SHOX: variants seen among roughly 807,000 people sequenced by gnomAD.
SHOX encodes SHOX homeobox.
A neutral mutation model predicts 29.6 loss-of-function variants in SHOX; 12 were observed. The ratio of observed to expected loss-of-function variants is 0.41; its 90% confidence interval spans 0.26 to 0.66. The LOEUF (loss-of-function observed/expected upper bound fraction) is 0.66. Among genes scored for constraint, SHOX ranks in the 30% least tolerant of loss-of-function variants. SHOX has a pLI of 0.35. For missense variants in SHOX, 499 were observed against 437.7 expected (o/e 1.14, Z -1.25); for synonymous variants, 214 against 200.6 (o/e 1.07, Z -0.57).
At chrX:627,301 G>C (rs2052555328), upstream of SHOX, among the ~76,000 whole-genome samples, 1 of 152,194 alleles carries the variant, frequency 6.6e-6, no homozygotes, top group Non-Finnish European at 1.5e-5. Flanking sequence ...GGTAGAAAAA[G>C]CTCTCGTCTG....
downstream of SHOX, among the ~76,000 whole-genome samples, chrX:654,021 T>C (rs1379520717): frequency 3.3e-5 from 5 of 152,214 alleles, no homozygotes; most frequent in African/African-American, 4.8e-5. Context: ...CTACACGTTT[T>C]CCCAAAACAG....
rs183405216 is a variant in SHOX at position 636,544 on chromosome X, A to T, written c.486+1718A>T. On this transcript the variant is annotated intron_variant, in intron 2 of 4. Coordinates refer to ENST00000686671, the MANE Select transcript of SHOX (RefSeq NM_000451.4). ...ATATATAAACATATATATACATATA[A>T]AAATATATATAAACATATATACATA... 8.8e-3 allele frequency among the ~76,000 whole-genome samples: 134 copies of T among 15,196 alleles called. 7 individuals carry two copies. Among genetic ancestry groups the T allele is most frequent in the African/African-American group, 0.072 (71 of 984 alleles). The allele number at this position is 15,196 out of a possible 152,430, so 10.0% of individuals were successfully genotyped here. A position where few individuals can be genotyped will look rare whatever the true frequency, so the allele number is the denominator to read the frequency against.
chrX:636,930 G>T (rs28367488), intron 2 of SHOX, among the ~76,000 whole-genome samples: 1 of 143,142 alleles, frequency 7.0e-6, no homozygotes, highest in African/African-American at 2.6e-5. Flanking sequence ...AGGGTTTTAC[G>T]AGCTCTTTCA....
chrX:658,449 A>C (rs2053177314), intron 5 of SHOX, among the ~76,000 whole-genome samples: 1 of 151,466 alleles, frequency 6.6e-6, no homozygotes, highest in African/African-American at 2.4e-5. Context: ...TATTAGGATA[A>C]GGCATGTTCT....
chrX:640,942 C>G, intron 3 of SHOX, 57 bp from the exon 4 acceptor site: 13 of 1,613,156 alleles, frequency 8.1e-6, no homozygotes, highest in Non-Finnish European at 1.1e-5. Flanking sequence ...ATGGGGTCGA[C>G]GAGGTGCTGG....
chrX:631,082 G>T lies in SHOX; in HGVS notation c.185G>T (p.Gly62Val). The T allele has an allele frequency of 6.2e-7, 1 of 1,613,762 alleles. No individual in the cohort carries two copies. Among genetic ancestry groups the T allele is most frequent in the Non-Finnish European group, 8.5e-7 (1 of 1,179,864 alleles). Residue 62 changes from glycine to valine, a missense_variant, in exon 1 of 5, where the codon GGC becomes GTC. By Grantham distance (109) the Gly-to-Val change is moderately radical. Transcript: ENST00000686671. ...SDSSLQDITE[G>V]GGHCPVHLFK... ...TCCAGCCTCCAGGACATCACGGAGG[G>T]CGGCGGCCACTGCCCGGTGCATTTG...
chrX:653,622 T>A (rs1269098228), downstream of SHOX, among the ~76,000 whole-genome samples: 163 of 148,590 alleles, frequency 1.1e-3, 2 homozygotes, highest in African/African-American at 3.3e-3. Context: ...TGACCACATT[T>A]AAAAAAAAAA....
intron 2 of SHOX, among the ~76,000 whole-genome samples, chrX:636,124 T>C (rs2052742029): frequency 6.6e-6 from 1 of 150,460 alleles, no homozygotes; most frequent in Admixed American, 6.7e-5. Context: ...TTTCATTATA[T>C]GTGTGTCTCT....
rs2052954649 is a variant in SHOX at position 645,687 on chromosome X, G to A, written c.*1051G>A. 6.6e-6 allele frequency: 1 copy of A among 151,978 alleles called. No individual in the cohort carries two copies. The highest frequency in any genetic ancestry group is 2.4e-5 in the African/African-American group (1 of 41,358). The allele number at this position is 151,978 out of a possible 1,614,324, so 9.4% of individuals were successfully genotyped here. On this transcript the variant is annotated 3_prime_UTR_variant, in exon 5 of 5. Transcript: ENST00000686671. ...AATCACGGGTGTAGAGATGGCCCTG[G>A]GCGCGCTGGGAGTGTGGTTGTGTTT...
intron 2 of SHOX, among the ~76,000 whole-genome samples, chrX:639,545 G>A (rs1411443311): frequency 1.3e-5 from 2 of 152,208 alleles, no homozygotes; most frequent in African/African-American, 4.8e-5. Flanking sequence ...GGAAACTTCG[G>A]TTCTCCTACA....
At chrX:628,595 T>C (rs1200176809), upstream of SHOX, among the ~76,000 whole-genome samples, 2 of 49,600 alleles carry the variant, frequency 4.0e-5, no homozygotes, top group African/African-American at 7.2e-5. Context: ...GTGTCTCTCT[T>C]TCTCTCTCTC....
intron 1 of SHOX, among the ~76,000 whole-genome samples, chrX:631,600 C>T (rs1254465321): frequency 7.2e-5 from 11 of 152,110 alleles, no homozygotes; most frequent in South Asian, 2.1e-4. Context: ...GGTGCGATCT[C>T]GGCTCACTGC....
At chrX:625,766 CTCTG>C (rs1465571480) in intron 1 of SHOX, among the ~76,000 whole-genome samples, 14 of 146,622 alleles carry the variant, frequency 9.5e-5, no homozygotes, top group South Asian at 2.2e-4. Context: ...CTGTCTGTAT[CTCTG>C]TCTGTCTCTG....
chrX:624,517 G>A (rs1366367052), exon 1 of SHOX: 1 of 152,156 alleles, frequency 6.6e-6, no homozygotes, highest in Non-Finnish European at 1.5e-5. Flanking sequence ...GTCCGCACAG[G>A]GTTTGCGGGA....
intron 2 of SHOX, among the ~76,000 whole-genome samples, chrX:639,186 C>T (rs2052807087): frequency 6.6e-6 from 1 of 152,178 alleles, no homozygotes; most frequent in African/African-American, 2.4e-5. Flanking sequence ...TGAGGGTCCC[C>T]TGCGCTATTG....
At chrX:643,611 C>CCCGGGAGAGG (rs2052905956) in intron 4 of SHOX, among the ~76,000 whole-genome samples, 1 of 134,732 alleles carries the variant, frequency 7.4e-6, no homozygotes, top group Non-Finnish European at 1.6e-5. Flanking sequence ...GACCTGGTGT[C>CCCGGGAGAGG]CTGGGAGAGC....
rs376369288 is a variant in SHOX at position 630,933 on chromosome X, T to C, written c.36T>C (p.Phe12=). 12 of 1,613,744 alleles carry C rather than the reference T, an allele frequency of 7.4e-6. No individual in the cohort carries two copies. Among genetic ancestry groups the C allele is most frequent in the Non-Finnish European group, 1.0e-5 (12 of 1,179,846 alleles). The change falls in exon 1 of 5, where the codon TTT becomes TTC. Residue 12 remains phenylalanine (F), a synonymous_variant. Transcript: ENST00000686671. ...EELTAFVSKS[F]DQKSKDGNGG... Reference sequence around the variant, plus strand: ...TCACGGCTTTTGTATCCAAGTCTTTTGACCAGAAAAGCAAGGACGGTAACG... The same window carrying C: ...TCACGGCTTTTGTATCCAAGTCTTTCGACCAGAAAAGCAAGGACGGTAACG...
At chrX:628,929 G>C (rs375161035), upstream of SHOX, among the ~76,000 whole-genome samples, 10 of 2,098 alleles carry the variant, frequency 4.8e-3, no homozygotes, top group Admixed American at 9.9e-3. Context: ...CTCTCTCTCT[G>C]TCTCTCCCTC....
intron 5 of SHOX, among the ~76,000 whole-genome samples, chrX:658,073 C>T (rs868074601): frequency 6.6e-6 from 1 of 151,986 alleles, no homozygotes; most frequent in Non-Finnish European, 1.5e-5. Context: ...CTCCCAGGTA[C>T]AAGCGATTCT....
Sources: gnomAD v4.1 joint callset for allele counts (sites outside exome capture counted in the v4.1 genomes callset) on GRCh38, gnomAD v4.1.1 for gene constraint, MANE v1.5 for transcripts, NCBI Gene and HGNC (gene_info 2026-07-23, HGNC 2026-07-21) for gene names.